Variants in CTNND2 observed in about 807,000 individuals in gnomAD.
CTNND2 encodes catenin delta-2.
CTNND2 carries 22 observed loss-of-function variants against 144.4 expected under a neutral mutation model. The ratio of observed to expected loss-of-function variants is 0.15; its 90% CI spans 0.11 to 0.22. The LOEUF is 0.22. Ranked by LOEUF, CTNND2 falls within the 10% of genes least tolerant of loss-of-function variation. CTNND2 has a pLI of 1.00. For synonymous variants in CTNND2, 751 were observed against 695.6 expected, an observed-to-expected ratio of 1.08 and a Z score of -1.25; for missense variants, 1,353 against 1,618.8, an observed-to-expected ratio of 0.84 and a Z score of 2.82.
chr5:11,766,642 C>T (rs1307654291), intron 1 of CTNND2, among the ~76,000 whole-genome samples: 1 of 152,038 alleles, frequency 6.6e-6, no homozygotes, highest in Non-Finnish European at 1.5e-5. Flanking sequence ...TTATCAGCAG[C>T]GTGAAAACTA....
At chr5:11,079,318 C>T (rs1445816056) in intron 16 of CTNND2, among the ~76,000 whole-genome samples, 1 of 126,486 alleles carries the variant, frequency 7.9e-6, no homozygotes, top group Non-Finnish European at 1.6e-5. Flanking sequence ...CCTCTGGATG[C>T]TACCTACTGA....
intron 5 of CTNND2, among the ~76,000 whole-genome samples, chr5:11,398,402 A>G (rs921383565): frequency 2.6e-5 from 4 of 152,212 alleles, no homozygotes; most frequent in Non-Finnish European, 5.9e-5. Flanking sequence ...ACATTGGTTC[A>G]CAAATTCTTT....
chr5:11,349,565 G>C (rs1296648299), intron 8 of CTNND2, among the ~76,000 whole-genome samples: 1 of 152,180 alleles, frequency 6.6e-6, no homozygotes, highest in Non-Finnish European at 1.5e-5. Context: ...CAAAGCTGTA[G>C]ATTATTGAAT....
intron 11 of CTNND2, among the ~76,000 whole-genome samples, chr5:11,197,410 C>G (rs1337040846): frequency 3.3e-5 from 5 of 152,198 alleles, no homozygotes; most frequent in Non-Finnish European, 7.3e-5. Context: ...CAGAGAGCCT[C>G]AAACCCCCAG....
At chr5:11,150,054 G>C (rs1757600812) in intron 12 of CTNND2, among the ~76,000 whole-genome samples, 1 of 152,156 alleles carries the variant, frequency 6.6e-6, no homozygotes, top group Non-Finnish European at 1.5e-5. Context: ...TCCCATCCCA[G>C]AGAGGCAGAC....
At chr5:11,128,029 G>T (rs961475558) in intron 12 of CTNND2, among the ~76,000 whole-genome samples, 8 of 144,712 alleles carry the variant, frequency 5.5e-5, no homozygotes, top group African/African-American at 2.0e-4. Flanking sequence ...ATGGAAAAAA[G>T]AAAAAAAAAA....
intron 16 of CTNND2, among the ~76,000 whole-genome samples, chr5:11,078,218 G>A (rs1749153856): frequency 6.6e-6 from 1 of 152,200 alleles, no homozygotes. Context: ...CAAAGTCACT[G>A]CAGCTTTCTT....
intron 10 of CTNND2, among the ~76,000 whole-genome samples, chr5:11,208,492 A>C (rs991219506): frequency 9.2e-5 from 14 of 152,170 alleles, no homozygotes; most frequent in Admixed American, 5.2e-4. Context: ...AATGGGAGAG[A>C]AGAAAAAAAC....
intron 10 of CTNND2, among the ~76,000 whole-genome samples, chr5:11,226,105 T>C (rs1420119049): frequency 6.6e-6 from 1 of 152,224 alleles, no homozygotes. Context: ...AATCTTGGAC[T>C]TGTAGCCTCC....
intron 11 of CTNND2, among the ~76,000 whole-genome samples, chr5:11,193,349 A>G (rs1736527210): frequency 6.6e-6 from 1 of 152,158 alleles, no homozygotes; most frequent in Non-Finnish European, 1.5e-5. Context: ...CTCCATGGGA[A>G]TTTGATATTT....
intron 3 of CTNND2, among the ~76,000 whole-genome samples, chr5:11,525,409 A>C (rs912371707): frequency 1.3e-5 from 2 of 152,232 alleles, no homozygotes; most frequent in African/African-American, 4.8e-5. Context: ...TTAAAAAAAA[A>C]ACACATAATC....
intron 9 of CTNND2, among the ~76,000 whole-genome samples, chr5:11,295,031 G>T (rs910854840): frequency 1.3e-5 from 2 of 152,184 alleles, no homozygotes; most frequent in African/African-American, 4.8e-5. Context: ...AGGAAAAGAC[G>T]AAGTCAAATT....
chr5:11,716,980 G>A (rs1217057452), intron 2 of CTNND2, among the ~76,000 whole-genome samples: 1 of 151,914 alleles, frequency 6.6e-6, no homozygotes, highest in Non-Finnish European at 1.5e-5. Context: ...GGATTCTCCT[G>A]CCTCAGCCTC....
intron 2 of CTNND2, among the ~76,000 whole-genome samples, chr5:11,648,366 C>A (rs1398737215): frequency 1.3e-5 from 2 of 152,082 alleles, no homozygotes; most frequent in Admixed American, 6.6e-5. Flanking sequence ...AATGGTGATG[C>A]AGACATTTTC....
rs1760216633 is a variant in CTNND2 at position 11,397,115 on chromosome 5, C to T, written c.528G>A (p.Gln176=). The T allele has an allele frequency of 6.2e-7, 1 of 1,614,040 alleles. No homozygotes were observed. The highest frequency in any genetic ancestry group is 1.7e-5 in the Admixed American group (1 of 60,000). Residue 176 remains glutamine, a synonymous_variant, in exon 6 of 22, where the codon CAG becomes CAA. Transcript: ENST00000304623. ...GGGTGGTTTCCCCCAGGGCCAGGGT[C>T]TGGTTGCTATGGTAGCTGGCCGGAT... ...FQYPASYHSN[Q]TLALGETTPS...
At chr5:11,075,809 T>C (rs1748884258) in intron 16 of CTNND2, among the ~76,000 whole-genome samples, 1 of 152,242 alleles carries the variant, frequency 6.6e-6, no homozygotes, top group South Asian at 2.1e-4. Context: ...TGAGTTTGAT[T>C]AGAGTCTGGA....
intron 3 of CTNND2, among the ~76,000 whole-genome samples, chr5:11,452,363 C>A (rs941329738): frequency 6.6e-6 from 1 of 152,040 alleles, no homozygotes; most frequent in Non-Finnish European, 1.5e-5. Flanking sequence ...GGAAAATATA[C>A]CCCAAAGTAA....
chr5:11,878,525 C>T (rs771371501), intron 1 of CTNND2, among the ~76,000 whole-genome samples: 1 of 152,082 alleles, frequency 6.6e-6, no homozygotes, highest in Non-Finnish European at 1.5e-5. Context: ...TGTTCTATAC[C>T]CCAGATCTCA....
rs931697868 is a variant in CTNND2, at chr5:11,007,589, C to T, written c.3084+10385G>A. On this transcript the variant is annotated intron_variant, in intron 18 of 21. Transcript: ENST00000304623. ...TTCTTATATTGTTCCAGCTACAAAA[C>T]GGAGTCTGAAAACGTACAGTTCTCT... Among the ~76,000 whole-genome samples the T allele has an allele frequency of 4.6e-5, 7 of 152,278 alleles. No homozygotes were observed. In the South Asian group the frequency reaches 6.2e-4, roughly 14 times the overall value.
Sources: gnomAD v4.1 joint callset for allele counts (sites outside exome capture counted in the v4.1 genomes callset) on GRCh38, gnomAD v4.1.1 for gene constraint, MANE v1.5 for transcripts, NCBI Gene and HGNC (gene_info 2026-07-23, HGNC 2026-07-21) for gene names.